Variants in SAMD12 observed in about 807,000 individuals in gnomAD.
SAMD12 encodes the protein sterile alpha motif domain containing 12.
SAMD12 carries 9 observed loss-of-function variants against 15.0 expected under a neutral mutation model. That is an observed-to-expected ratio of 0.60 (90% CI 0.36 to 1.05). The LOEUF (loss-of-function observed/expected upper bound fraction) is 1.05. Among genes scored for constraint, SAMD12 ranks in the 50% least tolerant of loss-of-function variants. The pLI, the probability that SAMD12 is intolerant of heterozygous loss-of-function variation, is 0.01. For missense variants in SAMD12, 230 were observed against 234.2 expected (o/e 0.98, Z 0.12); for synonymous variants, 86 against 90.1 (o/e 0.96, Z 0.25).
chr8:118,427,386 A>G (rs1043978990), intron 3 of SAMD12, among the ~76,000 whole-genome samples: 10 of 152,246 alleles, frequency 6.6e-5, no homozygotes, highest in African/African-American at 2.2e-4. Flanking sequence ...TATTTGAAAT[A>G]TCAAGTAGAT....
intron 4 of SAMD12, among the ~76,000 whole-genome samples, chr8:118,218,315 A>G (rs1433536698): frequency 6.6e-6 from 1 of 152,120 alleles, no homozygotes; most frequent in Non-Finnish European, 1.5e-5. Flanking sequence ...ATTTTGATAT[A>G]TATATAATTG....
chr8:118,568,354 G>A (rs1017827452), intron 2 of SAMD12, among the ~76,000 whole-genome samples: 2 of 152,202 alleles, frequency 1.3e-5, no homozygotes, highest in Non-Finnish European at 2.9e-5. Context: ...AAGCCTAGTA[G>A]CAGATGACAG....
At chr8:118,372,727 T>C (rs1819169885) in intron 4 of SAMD12, among the ~76,000 whole-genome samples, 1 of 151,816 alleles carries the variant, frequency 6.6e-6, no homozygotes, top group Admixed American at 6.6e-5. Context: ...ACACAAACTG[T>C]GGTTATATTA....
At chr8:118,301,409 G>A (rs1815020176) in intron 4 of SAMD12, among the ~76,000 whole-genome samples, 1 of 152,168 alleles carries the variant, frequency 6.6e-6, no homozygotes, top group African/African-American at 2.4e-5. Context: ...CTGAGGGTGG[G>A]CCGTTCAAAG....
At chr8:118,275,266 T>A (rs1586410072) in intron 4 of SAMD12, among the ~76,000 whole-genome samples, 1 of 152,200 alleles carries the variant, frequency 6.6e-6, no homozygotes, top group Non-Finnish European at 1.5e-5. Context: ...TTTTCTAATT[T>A]TGTTTTCAGG....
chr8:118,314,627 A>C (rs9642838), intron 4 of SAMD12, among the ~76,000 whole-genome samples: 10,351 of 152,234 alleles, frequency 0.068, 682 homozygotes, highest in African/African-American at 0.14. Context: ...AATGTTATGC[A>C]CATAGAATCA....
chr8:118,425,228 G>A (rs368172608), intron 3 of SAMD12, among the ~76,000 whole-genome samples: 33 of 152,250 alleles, frequency 2.2e-4, no homozygotes, highest in African/African-American at 7.5e-4. Flanking sequence ...GTGAGCCACC[G>A]TGCCCAGCTG....
In SAMD12 at chr8:118,390,564, A is replaced by T. The variant is rs183065842; in HGVS notation, c.323-10864T>A. ...CCCCAGCCCAACCTCTGATTTCCTG[A>T]AGGTGACTACGAATCACCCAATACC... On this transcript the variant is annotated intron_variant, in intron 3 of 3. Transcript: ENST00000314727. Among the ~76,000 whole-genome samples the T allele has an allele frequency of 1.1e-4, 16 of 152,318 alleles. No individual in the cohort carries two copies. In the East Asian group the frequency reaches 2.7e-3, roughly 26 times the overall value.
chr8:118,201,083 A>C (rs17484817), intron 4 of SAMD12, among the ~76,000 whole-genome samples: 110 of 152,346 alleles, frequency 7.2e-4, no homozygotes, highest in African/African-American at 2.2e-3. Flanking sequence ...TATCTGCAAC[A>C]GGAATCATGT....
intron 4 of SAMD12, among the ~76,000 whole-genome samples, chr8:118,330,350 G>A (rs1387033732): frequency 5.3e-5 from 8 of 152,132 alleles, no homozygotes; most frequent in Non-Finnish European, 7.4e-5. Context: ...TTCCTTGGGC[G>A]GCTGAATGAC....
intron 4 of SAMD12, among the ~76,000 whole-genome samples, chr8:118,274,380 C>T (rs1432136530): frequency 1.3e-5 from 2 of 152,150 alleles, no homozygotes; most frequent in Non-Finnish European, 2.9e-5. Flanking sequence ...AATAGGACAA[C>T]ATATCAAGGA....
At chr8:118,569,668 A>T (rs1826951706) in intron 2 of SAMD12, among the ~76,000 whole-genome samples, 1 of 152,184 alleles carries the variant, frequency 6.6e-6, no homozygotes, top group Admixed American at 6.5e-5. Flanking sequence ...CAGACACCTT[A>T]GCTCACTCTC....
rs1283187548 is a variant in SAMD12, at chr8:118,590,191, G to A, written c.14-9298C>T. ...GGAAAGAGACAGCCTAGCAAGGTAG[G>A]AAACATGTAGATAATAACTGCTTTA... On this transcript the variant is annotated intron_variant, in intron 1 of 3. Coordinates refer to ENST00000314727, the MANE Select transcript of SAMD12 (RefSeq NM_207506.3). Among the ~76,000 whole-genome samples the A allele has an allele frequency of 3.3e-5, 5 of 152,170 alleles. No homozygotes were observed. The East Asian group carries it at 9.6e-4, about 29-fold the overall frequency.
chr8:118,353,629 T>C (rs1818072547), intron 4 of SAMD12, among the ~76,000 whole-genome samples: 1 of 152,190 alleles, frequency 6.6e-6, no homozygotes, highest in East Asian at 1.9e-4. Context: ...ATGGCAGATT[T>C]GTTATAGCAG....
chr8:118,286,262 C>A (rs940033807), intron 4 of SAMD12, among the ~76,000 whole-genome samples: 3 of 151,798 alleles, frequency 2.0e-5, no homozygotes, highest in Non-Finnish European at 4.4e-5. Flanking sequence ...CACATGTATA[C>A]ATATGTAACA....
intron 2 of SAMD12, among the ~76,000 whole-genome samples, chr8:118,447,991 GT>G (rs1297916967): frequency 6.6e-6 from 1 of 152,042 alleles, no homozygotes; most frequent in African/African-American, 2.4e-5. Context: ...GCCTCCCAAA[GT>G]GCTGGGATTA....
At chr8:118,197,782 C>T (rs758917117) in intron 4 of SAMD12, 1 of 1,515,214 alleles carries the variant, frequency 6.6e-7, no homozygotes, top group African/African-American at 1.4e-5. Flanking sequence ...CTTTATGTTT[C>T]CAGGCACTGA....
intron 4 of SAMD12, among the ~76,000 whole-genome samples, chr8:118,258,423 G>A (rs2130050838): frequency 6.6e-6 from 1 of 151,784 alleles, no homozygotes; most frequent in East Asian, 1.9e-4. Flanking sequence ...CTATATTTCT[G>A]TCATTCATTC....
intron 2 of SAMD12, among the ~76,000 whole-genome samples, chr8:118,497,258 A>G (rs1824641754): frequency 6.6e-6 from 1 of 152,194 alleles, no homozygotes; most frequent in African/African-American, 2.4e-5. Context: ...TACCAAAAAT[A>G]CACATGCACC....
Sources: allele counts gnomAD v4.1 joint callset (sites outside exome capture counted in the v4.1 genomes callset), GRCh38; gene constraint gnomAD v4.1.1; transcripts MANE v1.5; gene names NCBI Gene and HGNC (gene_info 2026-07-23, HGNC 2026-07-21).